The following TMED3 variants were observed in gnomAD, a reference collection of about 807,000 sequenced individuals.
TMED3 encodes transmembrane p24 trafficking protein 3, also known as transmembrane emp24 domain-containing protein 3.
Under a neutral mutation model 15.0 loss-of-function variants are expected in TMED3, and 9 were observed. The observed-to-expected ratio is 0.60, with a 90% CI of 0.36 to 1.04. The LOEUF is 1.04. Among genes scored for constraint, TMED3 ranks in the 50% least tolerant of loss-of-function variants. TMED3 has a pLI of 0.01. For missense variants in TMED3, 267 were observed against 278.9 expected (o/e 0.96, Z 0.30); for synonymous variants, 117 against 121.4 (o/e 0.96, Z 0.24).
At chr15:79,373,573 G>A (rs925727076) in intron 2 of TMED3, among the ~76,000 whole-genome samples, 2 of 152,168 alleles carry the variant, frequency 1.3e-5, no homozygotes, top group Non-Finnish European at 2.9e-5. Flanking sequence ...AGATGCTGCG[G>A]CTTTGGGTTT....
intron 2 of TMED3, among the ~76,000 whole-genome samples, chr15:79,373,555 C>G (rs943075258): frequency 2.0e-5 from 3 of 152,010 alleles, no homozygotes; most frequent in African/African-American, 4.8e-5. Context: ...AGACAGACAG[C>G]CTCTCTGAGA....
At chr15:79,370,033 C>T (rs939887862) in intron 2 of TMED3, among the ~76,000 whole-genome samples, 29 of 152,196 alleles carry the variant, frequency 1.9e-4, no homozygotes, top group Non-Finnish European at 3.4e-4. Flanking sequence ...TCTTGGAGAA[C>T]ACAGTTAGAC....
intron 2 of TMED3, among the ~76,000 whole-genome samples, chr15:79,348,562 T>C (rs925479318): frequency 2.6e-5 from 4 of 152,230 alleles, no homozygotes; most frequent in African/African-American, 9.6e-5. Flanking sequence ...TAGTGCTCTG[T>C]GTAATGGAAG....
intron 2 of TMED3, among the ~76,000 whole-genome samples, chr15:79,336,130 G>T (rs1330082560): frequency 6.6e-6 from 1 of 152,186 alleles, no homozygotes; most frequent in Non-Finnish European, 1.5e-5. Context: ...GGAATAATTG[G>T]TCAGGGATAA....
intron 2 of TMED3, among the ~76,000 whole-genome samples, chr15:79,409,486 G>T (rs1040088729): frequency 1.8e-4 from 28 of 152,330 alleles, no homozygotes; most frequent in Middle Eastern, 3.4e-3. Flanking sequence ...CACAAACACT[G>T]CTCAGAGTTC....
intron 2 of TMED3, among the ~76,000 whole-genome samples, chr15:79,396,727 A>C (rs1432529289): frequency 6.6e-6 from 1 of 152,226 alleles, no homozygotes; most frequent in Non-Finnish European, 1.5e-5. Flanking sequence ...TGGTCACTGG[A>C]AATGTAGTTA....
In TMED3 at chr15:79,363,883, C is replaced by T. The variant is rs762745155; in HGVS notation, c.418-47517C>T. 3.2e-4 allele frequency among the ~76,000 whole-genome samples: 48 copies of T among 152,072 alleles called. 1 individual carries two copies. The highest frequency in any genetic ancestry group is 6.5e-4 in the Non-Finnish European group (44 of 68,030). ...CTACAGGGTGCCAAGCAAGGAGAAT[C>T]GGGAGGCTCATGCTTAAGATCCAAA... On this transcript the variant is annotated intron_variant, in intron 2 of 2. Transcript: ENST00000424155.
At chr15:79,336,750 C>T (rs2058828673) in intron 2 of TMED3, among the ~76,000 whole-genome samples, 1 of 151,914 alleles carries the variant, frequency 6.6e-6, no homozygotes. Context: ...ACATTAGCAC[C>T]CTAGCTAATA....
At chr15:79,367,212 A>G (rs891563895) in intron 2 of TMED3, among the ~76,000 whole-genome samples, 4 of 152,154 alleles carry the variant, frequency 2.6e-5, no homozygotes, top group Non-Finnish European at 4.4e-5. Flanking sequence ...CAGAACTAAA[A>G]CAGAGTTGGT....
At chr15:79,345,451 C>T (rs1199746218) in intron 2 of TMED3, among the ~76,000 whole-genome samples, 1 of 152,160 alleles carries the variant, frequency 6.6e-6, no homozygotes, top group Non-Finnish European at 1.5e-5. Flanking sequence ...CCTCCAGCTC[C>T]ATCCGTGTTC....
chr15:79,328,523 C>T (rs1249504793), intron 2 of TMED3, among the ~76,000 whole-genome samples: 1 of 152,192 alleles, frequency 6.6e-6, no homozygotes, highest in Non-Finnish European at 1.5e-5. Context: ...TCACAGCCAG[C>T]CCCCCAAAAT....
exon 3 of TMED3, chr15:79,411,456 A>T: frequency 1.4e-6 from 1 of 702,554 alleles, no homozygotes; most frequent in South Asian, 1.5e-5. Context: ...ATATGCAGCC[A>T]GGCGGAACAC....
At position 79,322,712 on chromosome 15, in the gene TMED3, C is replaced by T. The variant is rs112815175; in HGVS notation, c.*498C>T. On this transcript the variant is annotated 3_prime_UTR_variant, in exon 3 of 3. Transcript: ENST00000299705. ...GTGACTTTGCAGATCTGCTCACCCT[C>T]GGTGAGCAACAGTGTCAGCCATGCA... 5.9e-5 allele frequency: 58 copies of T among 985,826 alleles called. No individual in the cohort carries two copies. The Middle Eastern group carries it at 1.5e-3, about 26-fold the overall frequency. 61.1% of individuals were successfully genotyped at this position (985,826 alleles called of 1,614,324 possible).
chr15:79,346,955 A>G (rs8039465), intron 2 of TMED3, among the ~76,000 whole-genome samples: 45,050 of 152,028 alleles, frequency 0.3, 6,783 homozygotes, highest in African/African-American at 0.35. Flanking sequence ...CAGATGTACA[A>G]AGACGATCTG....
intron 2 of TMED3, among the ~76,000 whole-genome samples, chr15:79,353,043 T>TGA (rs2058899196): frequency 3.2e-5 from 3 of 94,862 alleles, no homozygotes; most frequent in African/African-American, 5.2e-5. Context: ...ATATATATTA[T>TGA]ATATATAAAA....
Position 79,340,988 on chromosome 15 carries a change from A to G in TMED3, c.417+26983A>G, listed in dbSNP as rs182189084. ...GCAGGAGGATCACTTGCATGCAGGCATTTGAGACCAGTCTGGGCAACATAC... is the reference window on the plus strand; with the variant it reads ...GCAGGAGGATCACTTGCATGCAGGCGTTTGAGACCAGTCTGGGCAACATAC... On this transcript the variant is annotated intron_variant, in intron 2 of 2. Coordinates refer to the TMED3 transcript ENST00000424155. 1.7e-3 allele frequency among the ~76,000 whole-genome samples: 253 copies of G among 152,218 alleles called. 3 individuals carry two copies. The highest frequency in any genetic ancestry group is 0.016 in the Admixed American group (246 of 15,282).
At chr15:79,316,201 G>A (rs1269176080) in intron 2 of TMED3, among the ~76,000 whole-genome samples, 1 of 152,230 alleles carries the variant, frequency 6.6e-6, no homozygotes, top group Non-Finnish European at 1.5e-5. Flanking sequence ...GAAAGAACAG[G>A]TTCCATAGTG....
chr15:79,316,965 A>T (rs1035400011), intron 2 of TMED3, among the ~76,000 whole-genome samples: 2 of 152,096 alleles, frequency 1.3e-5, no homozygotes, highest in Admixed American at 1.3e-4. Context: ...ATGGGGAAGT[A>T]GCATGTTTTT....
At chr15:79,323,138 C>A (rs2058775288), downstream of TMED3, among the ~76,000 whole-genome samples, 3 of 152,212 alleles carry the variant, frequency 2.0e-5, no homozygotes, top group Admixed American at 1.3e-4. Context: ...TTCCTTCTGA[C>A]CCAAAGGCAC....
Sources: allele counts gnomAD v4.1 joint callset (sites outside exome capture counted in the v4.1 genomes callset), GRCh38; gene constraint gnomAD v4.1.1; transcripts MANE v1.5; gene names NCBI Gene and HGNC (gene_info 2026-07-23, HGNC 2026-07-21).